The following CPEB4 variants were observed in gnomAD, a reference collection of about 807,000 sequenced individuals.
The protein encoded by CPEB4 is cytoplasmic polyadenylation element-binding protein 4.
In CPEB4, 12 loss-of-function variants were observed where a neutral mutation model predicts 72.5. That is an observed-to-expected ratio of 0.17 (90% CI 0.11 to 0.27). The LOEUF (loss-of-function observed/expected upper bound fraction) is 0.27. Among genes scored for constraint, CPEB4 ranks in the 10% least tolerant of loss-of-function variants. The pLI, the probability that CPEB4 is intolerant of heterozygous loss-of-function variation, is 1.00. For synonymous variants in CPEB4, 302 were observed against 326.3 expected, an observed-to-expected ratio of 0.93 and a Z score of 0.80; for missense variants, 614 against 908.5, an observed-to-expected ratio of 0.68 and a Z score of 4.17.
At chr5:173,931,485 A>G (rs1757445559) in intron 2 of CPEB4, among the ~76,000 whole-genome samples, 1 of 152,162 alleles carries the variant, frequency 6.6e-6, no homozygotes, top group South Asian at 2.1e-4. Context: ...AGAACTAACA[A>G]CCAGGTCCCC....
intron 1 of CPEB4, among the ~76,000 whole-genome samples, chr5:173,899,798 T>C (rs1756158751): frequency 6.6e-6 from 1 of 152,192 alleles, no homozygotes; most frequent in Non-Finnish European, 1.5e-5. Context: ...GCATCAACTT[T>C]TTACATTTCT....
At position 173,892,260 on chromosome 5, in the gene CPEB4, G is replaced by A. The variant is rs141681313; in HGVS notation, c.1125+1402G>A. On this transcript the variant is annotated intron_variant, in intron 1 of 9. Transcript: ENST00000265085. Reference sequence around the variant, plus strand: ...AAATATGTGGGTATATTTAGTTTTCGACTTCTAAAAACGATTTTTTTTTTT... The same window carrying A: ...AAATATGTGGGTATATTTAGTTTTCAACTTCTAAAAACGATTTTTTTTTTT... Among the ~76,000 whole-genome samples the A allele has an allele frequency of 3.6e-3, 434 of 121,260 alleles. 1 individual carries two copies. The highest frequency in any genetic ancestry group is 0.012 in the African/African-American group (411 of 33,126). The allele number at this position is 121,260 out of a possible 152,430, so 79.6% of individuals were successfully genotyped here. A position where few individuals can be genotyped will look rare whatever the true frequency, so the allele number is the denominator to read the frequency against.
intron 1 of CPEB4, among the ~76,000 whole-genome samples, chr5:173,901,176 A>T (rs1756218292): frequency 6.6e-6 from 1 of 152,240 alleles, no homozygotes. Context: ...CTCAAAATGA[A>T]TGTGATTTAT....
rs1189537059 is a variant in CPEB4 at position 173,911,874 on chromosome 5, C to G, written c.1207+1270C>G. ...AAGGTGACAAGGCAGCCTGTTGTTT[C>G]AACTGGTGACCTGCTTAGCCTAGTT... is the stretch of plus-strand genomic sequence containing the variant. On this transcript the variant is annotated intron_variant, in intron 2 of 9. Coordinates refer to ENST00000265085, the MANE Select transcript of CPEB4 (RefSeq NM_030627.4). Among the ~76,000 whole-genome samples the G allele has an allele frequency of 2.0e-5, 3 of 152,062 alleles. No individual in the cohort carries two copies. In the East Asian group the frequency reaches 5.8e-4, roughly 29 times the overall value.
rs2113104348 is a variant in CPEB4, at chr5:173,888,455, A to C, written c.-1279A>C. 2.3e-6 allele frequency: 1 copy of C among 443,290 alleles called. No individual in the cohort carries two copies. Among genetic ancestry groups the C allele is most frequent in the African/African-American group, 2.0e-5 (1 of 48,820 alleles). 27.5% of individuals were successfully genotyped at this position (443,290 alleles called of 1,614,324 possible). On this transcript the variant is annotated 5_prime_UTR_variant, in exon 1 of 10. Coordinates refer to ENST00000265085, the MANE Select transcript of CPEB4 (RefSeq NM_030627.4). The surrounding 1 kb of genome is among the most constrained non-coding windows in gnomAD (Gnocchi z 4.3). ...GCAGCAGCGGCGACAGCAGAGGAGG[A>C]AGAGGAGGAAGAAGGAAAGAAAAAG...
chr5:173,913,342 C>T (rs1001486372), intron 2 of CPEB4, among the ~76,000 whole-genome samples: 3 of 151,986 alleles, frequency 2.0e-5, no homozygotes, highest in Admixed American at 6.6e-5. Context: ...GGACTACAGG[C>T]GCCTGCCACC....
Position 173,950,104 on chromosome 5 carries a change from CT to C in CPEB4, c.1665+28del. 7.0e-7 allele frequency: 1 copy of C among 1,421,278 alleles called. No homozygotes were observed. The highest frequency in any genetic ancestry group is 9.8e-7 in the Non-Finnish European group (1 of 1,024,020). 88.0% of individuals were successfully genotyped at this position (1,421,278 alleles called of 1,614,324 possible). ...GTAAGTGTGGTTTAGCATAAAATAGCTTCTTGTTTTTGCCTCCATTCATCTG... is the reference window on the plus strand; with the variant it reads ...GTAAGTGTGGTTTAGCATAAAATAGCTCTTGTTTTTGCCTCCATTCATCTG... On this transcript the variant is annotated intron_variant, in intron 7 of 9. Transcript: ENST00000265085. This position sits in a 1 kb window ranked among gnomAD's most constrained non-coding sequence, Gnocchi z 5.0.
intron 1 of CPEB4, among the ~76,000 whole-genome samples, chr5:173,905,152 G>A (rs1054097867): frequency 6.6e-6 from 1 of 152,096 alleles, no homozygotes; most frequent in Admixed American, 6.6e-5. Context: ...AGGGTGCCAA[G>A]AGAAACTGGC....
At chr5:173,947,952 G>A (rs6860414) in intron 5 of CPEB4, among the ~76,000 whole-genome samples, 45,107 of 151,970 alleles carry the variant, frequency 0.3, 7,058 homozygotes, top group South Asian at 0.47. Flanking sequence ...TAAGAATGGA[G>A]GCAAGAAGTG....
intron 2 of CPEB4, among the ~76,000 whole-genome samples, chr5:173,930,938 C>T (rs1342183905): frequency 1.3e-5 from 2 of 150,584 alleles, no homozygotes; most frequent in Non-Finnish European, 3.0e-5. Context: ...TTGCAGTGAC[C>T]CGAGATTGCG....
chr5:173,890,467 A>G lies in CPEB4; in HGVS notation c.734A>G (p.Gln245Arg), dbSNP rs1184079379. The stretch of plus-strand genomic sequence containing the variant: ...CCTCATTTCCAGCATCATCACAGCC[A>G]GCATCAGCAGCAAAGGAGGTCTCCT... ...HHPHFQHHHS[Q>R]HQQQRRSPAS... The change falls in exon 1 of 10, where the codon CAG becomes CGG. Residue 245 changes from glutamine to arginine, a missense_variant. By Grantham distance (43) the Gln-to-Arg change is conservative. Around this residue, in one of 5 missense-constraint regions of CPEB4, gnomAD observed 458 missense variants for 548.6 expected, o/e 0.83. Transcript: ENST00000265085. 6.2e-7 allele frequency: 1 copy of G among 1,611,890 alleles called. No individual in the cohort carries two copies. Among genetic ancestry groups the G allele is most frequent in the Non-Finnish European group, 8.5e-7 (1 of 1,178,842 alleles).
At chr5:173,933,853 G>A (rs1487752198) in intron 3 of CPEB4, among the ~76,000 whole-genome samples, 2 of 152,020 alleles carry the variant, frequency 1.3e-5, no homozygotes, top group Non-Finnish European at 2.9e-5. Context: ...GAGGGTTGTC[G>A]AGAAAAATAA....
chr5:173,906,173 G>GGAA (rs1444766747), intron 1 of CPEB4, among the ~76,000 whole-genome samples: 2 of 152,172 alleles, frequency 1.3e-5, no homozygotes, highest in Non-Finnish European at 2.9e-5. Context: ...AATGAAATAT[G>GGAA]GAAATCAAAG....
intron 2 of CPEB4, among the ~76,000 whole-genome samples, chr5:173,922,580 T>G (rs762618192): frequency 6.6e-6 from 1 of 152,216 alleles, no homozygotes; most frequent in African/African-American, 2.4e-5. Context: ...TAAAAATCTG[T>G]ATTTTATCAT....
At chr5:173,922,207 A>G (rs548048849) in intron 2 of CPEB4, among the ~76,000 whole-genome samples, 4 of 152,210 alleles carry the variant, frequency 2.6e-5, no homozygotes, top group African/African-American at 7.2e-5. Context: ...GAGGGTAGGC[A>G]TTCAATTTTT....
Position 173,961,010 on chromosome 5 carries a change from A to C in CPEB4, c.*4873A>C, listed in dbSNP as rs1758535051. ...GAGAATATCCTGTTTTGTCAGATTTAATATCTGTTCTTTCTTGAGTATAGT... is the reference window on the plus strand; with the variant it reads ...GAGAATATCCTGTTTTGTCAGATTTCATATCTGTTCTTTCTTGAGTATAGT... On this transcript the variant is annotated 3_prime_UTR_variant, in exon 10 of 10. Transcript: ENST00000265085. 1 of 152,210 alleles carries C rather than the reference A, an allele frequency of 6.6e-6. No individual in the cohort carries two copies. The highest frequency in any genetic ancestry group is 2.1e-4 in the South Asian group (1 of 4,828). 9.4% of individuals were successfully genotyped at this position (152,210 alleles called of 1,614,324 possible).
intron 1 of CPEB4, among the ~76,000 whole-genome samples, chr5:173,908,079 G>C (rs1271257396): frequency 6.6e-6 from 1 of 152,200 alleles, no homozygotes; most frequent in African/African-American, 2.4e-5. Context: ...AGCAACTATA[G>C]AATGAGATAG....
At position 173,960,125 on chromosome 5, in the gene CPEB4, AT is replaced by A. The variant is rs1341354284; in HGVS notation, c.*3993del. On this transcript the variant is annotated 3_prime_UTR_variant, in exon 10 of 10. Transcript: ENST00000265085. ...AAAGTCATTTTCACGTTAAGTTCCT[AT>A]TTTTGTATGTTCTACTCTTAAGTTA... The A allele has an allele frequency of 6.6e-6, 1 of 152,646 alleles. No homozygotes were observed. The allele number at this position is 152,646 out of a possible 1,614,324, so 9.5% of individuals were successfully genotyped here.
chr5:173,941,273 T>A (rs1757829527), intron 3 of CPEB4, among the ~76,000 whole-genome samples: 1 of 152,194 alleles, frequency 6.6e-6, no homozygotes, highest in Non-Finnish European at 1.5e-5. Flanking sequence ...TTTGTCTTTC[T>A]AACCTCTGTC....
Sources: gnomAD v4.1 joint callset for allele counts (sites outside exome capture counted in the v4.1 genomes callset) on GRCh38, gnomAD v4.1.1 for gene constraint, gnomAD v4.1.1 regional missense constraint, Gnocchi (gnomAD v3.1) non-coding constraint, MANE v1.5 for transcripts, NCBI Gene and HGNC (gene_info 2026-07-23, HGNC 2026-07-21) for gene names.